The following GTPBP10 variants were observed in gnomAD, a reference collection of about 807,000 sequenced individuals.
GTPBP10 encodes GTP-binding protein 10.
In GTPBP10, 38 loss-of-function variants were observed where a neutral mutation model predicts 44.8. The ratio of observed to expected loss-of-function variants is 0.85; its 90% CI spans 0.65 to 1.11. The LOEUF (loss-of-function observed/expected upper bound fraction) is 1.11. GTPBP10 is among the 50% of genes most tolerant of loss of function. The pLI is 0.00. For missense variants in GTPBP10, 462 were observed against 453.7 expected, an observed-to-expected ratio of 1.02 and a Z score of -0.17; for synonymous variants, 152 against 150.6, an observed-to-expected ratio of 1.01 and a Z score of -0.07.
In GTPBP10 at chr7:90,388,782, T is replaced by G. The variant is rs918993185; in HGVS notation, c.*3628T>G. Reference sequence around the variant, plus strand: ...GTTAGAGATTCCTTTCAGTAGTTAATGAAAGCTACAGACTTGTCTTGCCGA... The same window carrying G: ...GTTAGAGATTCCTTTCAGTAGTTAAGGAAAGCTACAGACTTGTCTTGCCGA... On this transcript the variant is annotated 3_prime_UTR_variant, in exon 10 of 10. Transcript: ENST00000222511. The G allele has an allele frequency of 6.6e-6, 1 of 152,222 alleles. No individual in the cohort carries two copies. Among genetic ancestry groups the G allele is most frequent in the African/African-American group, 2.4e-5 (1 of 41,468 alleles). 9.4% of individuals were successfully genotyped at this position (152,222 alleles called of 1,614,324 possible). A position where few individuals can be genotyped will look rare whatever the true frequency, so the allele number is the denominator to read the frequency against.
intron 4 of GTPBP10, among the ~76,000 whole-genome samples, chr7:90,358,390 A>C (rs577707514): frequency 6.6e-6 from 1 of 152,320 alleles, no homozygotes; most frequent in East Asian, 1.9e-4. Flanking sequence ...TATAGTAACC[A>C]AAACAGCATG....
At chr7:90,379,303 C>T (rs1796396586) in intron 8 of GTPBP10, among the ~76,000 whole-genome samples, 1 of 152,114 alleles carries the variant, frequency 6.6e-6, no homozygotes, top group South Asian at 2.1e-4. Flanking sequence ...CTGTGTCCTG[C>T]CTTGCTTCTC....
At chr7:90,376,087 T>G (rs1179811836) in intron 6 of GTPBP10, among the ~76,000 whole-genome samples, 2 of 149,030 alleles carry the variant, frequency 1.3e-5, no homozygotes, top group Non-Finnish European at 3.0e-5. Context: ...AAAAAAAAAT[T>G]AGATGGGTGT....
At chr7:90,368,506 A>G (rs1367566561) in intron 4 of GTPBP10, among the ~76,000 whole-genome samples, 1 of 151,728 alleles carries the variant, frequency 6.6e-6, no homozygotes, top group African/African-American at 2.4e-5. Flanking sequence ...TTTTTCCTCT[A>G]ATTTTGTCTT....
intron 1 of GTPBP10, 33 bp from the exon 2 acceptor site, chr7:90,352,783 G>A (rs557043969): frequency 1.3e-6 from 2 of 1,511,596 alleles, no homozygotes; most frequent in East Asian, 4.6e-5. Flanking sequence ...TACACTTTTG[G>A]TATACAAATA....
rs374047570 is a variant in GTPBP10 at position 90,374,359 on chromosome 7, G to A, written c.591+5G>A. 5 of 1,569,428 alleles carry A rather than the reference G, an allele frequency of 3.2e-6. No individual in the cohort carries two copies. Among genetic ancestry groups the A allele is most frequent in the Non-Finnish European group, 3.5e-6 (4 of 1,140,574 alleles). On this transcript the variant is annotated splice_donor_5th_base_variant and intron_variant, in intron 6 of 9. Coordinates refer to ENST00000222511, the MANE Select transcript of GTPBP10 (RefSeq NM_033107.4). ...ATGTACAGTGATTTCAAACAGGTAG[G>A]TATTTTTAAAGTAAAACACTATATT...
intron 4 of GTPBP10, among the ~76,000 whole-genome samples, chr7:90,361,618 C>G (rs994012160): frequency 2.0e-5 from 3 of 152,050 alleles, no homozygotes; most frequent in African/African-American, 7.2e-5. Flanking sequence ...CTCACAGGCT[C>G]TGGTATCAGG....
At chr7:90,363,202 G>A (rs1796062538) in intron 4 of GTPBP10, among the ~76,000 whole-genome samples, 2 of 152,110 alleles carry the variant, frequency 1.3e-5, no homozygotes, top group Admixed American at 6.5e-5. Context: ...TATTTTGCTC[G>A]TTAGTTGATG....
intron 4 of GTPBP10, among the ~76,000 whole-genome samples, chr7:90,365,152 A>G (rs1461382308): frequency 1.3e-5 from 2 of 152,068 alleles, no homozygotes; most frequent in African/African-American, 2.4e-5. Flanking sequence ...CCACTATCCA[A>G]CAAGCCCCAG....
At chr7:90,361,696 G>A (rs540936182) in intron 4 of GTPBP10, among the ~76,000 whole-genome samples, 92 of 152,328 alleles carry the variant, frequency 6.0e-4, no homozygotes, top group African/African-American at 2.1e-3. Context: ...AATGGTTTCA[G>A]AAGGAATGGT....
At position 90,352,221 on chromosome 7, in the gene GTPBP10, T is replaced by C. The variant is rs1375296886; in HGVS notation, c.34-595T>C. Among the ~76,000 whole-genome samples, 3 of 152,152 alleles carry C rather than the reference T, an allele frequency of 2.0e-5. No homozygotes were observed. The East Asian group carries it at 5.8e-4, about 29-fold the overall frequency. The stretch of plus-strand genomic sequence containing the variant: ...GCAGGTGTAGTCTGAAAGACTTCCA[T>C]TTGTGTAGTCTCAATGAATATGTAA... On this transcript the variant is annotated intron_variant, in intron 1 of 9. Transcript: ENST00000222511.
chr7:90,360,413 T>C (rs1795993711), intron 4 of GTPBP10, among the ~76,000 whole-genome samples: 1 of 152,234 alleles, frequency 6.6e-6, no homozygotes, highest in African/African-American at 2.4e-5. Flanking sequence ...TCCCCATTTC[T>C]TGTTTTTGTC....
Position 90,390,035 on chromosome 7 carries a change from C to T in GTPBP10, c.*4881C>T, listed in dbSNP as rs537130687. 2 of 152,320 alleles carry T rather than the reference C, an allele frequency of 1.3e-5. No individual in the cohort carries two copies. The highest frequency in any genetic ancestry group is 3.9e-4 in the East Asian group (2 of 5,192). 9.4% of individuals were successfully genotyped at this position (152,320 alleles called of 1,614,324 possible). A position where few individuals can be genotyped will look rare whatever the true frequency, so the allele number is the denominator to read the frequency against. ...TGAACTCCCATCCTCATGGAATCCT[C>T]CCACTTCAGTCTCTGAAAGTGCTAG... On this transcript the variant is annotated 3_prime_UTR_variant, in exon 10 of 10. Transcript: ENST00000222511.
At chr7:90,348,977 G>T (rs564590524) in intron 1 of GTPBP10, among the ~76,000 whole-genome samples, 1 of 152,244 alleles carries the variant, frequency 6.6e-6, no homozygotes, top group South Asian at 2.1e-4. Context: ...AATTCCTCTG[G>T]TTTGGTGGCT....
At chr7:90,354,034 A>G (rs532695932) in intron 2 of GTPBP10, among the ~76,000 whole-genome samples, 1 of 151,898 alleles carries the variant, frequency 6.6e-6, no homozygotes, top group Non-Finnish European at 1.5e-5. Context: ...GGGTCGTGCT[A>G]TGGTGTTCAG....
At chr7:90,351,246 G>A (rs1795785183) in intron 1 of GTPBP10, among the ~76,000 whole-genome samples, 1 of 152,018 alleles carries the variant, frequency 6.6e-6, no homozygotes. Flanking sequence ...TGTAAGATCT[G>A]TAAGTGTGTG....
chr7:90,378,277 A>G, intron 8 of GTPBP10, 66 bp downstream of exon 8: 1 of 1,513,466 alleles, frequency 6.6e-7, no homozygotes, highest in Middle Eastern at 2.1e-4. Context: ...ACTATATGAA[A>G]TAACATAATT....
intron 8 of GTPBP10, among the ~76,000 whole-genome samples, chr7:90,381,030 C>G (rs1796427589): frequency 6.6e-6 from 1 of 152,014 alleles, no homozygotes; most frequent in Non-Finnish European, 1.5e-5. Context: ...CGTTATTCAT[C>G]CATTGATGGA....
intron 7 of GTPBP10, 26 bp downstream of exon 7, chr7:90,377,640 TATTC>T (rs939159939): frequency 7.2e-7 from 1 of 1,386,302 alleles, no homozygotes; most frequent in Non-Finnish European, 9.9e-7. Context: ...ACTAATGTGA[TATTC>T]AAATAAATTG....
Sources: allele counts gnomAD v4.1 joint callset (sites outside exome capture counted in the v4.1 genomes callset), GRCh38; gene constraint gnomAD v4.1.1; transcripts MANE v1.5; gene names NCBI Gene and HGNC (gene_info 2026-07-23, HGNC 2026-07-21).